CR1: variants seen among roughly 807,000 people sequenced by gnomAD.
CR1 encodes complement C3b/C4b receptor 1 (Knops blood group).
Under a neutral mutation model 187.3 loss-of-function variants are expected in CR1, and 116 were observed. The observed-to-expected ratio is 0.62, with a 90% CI of 0.53 to 0.72. The LOEUF (loss-of-function observed/expected upper bound fraction) is 0.72. Ranked by LOEUF, CR1 falls within the 30% of genes least tolerant of loss-of-function variation. The pLI is 0.00. For synonymous variants in CR1, 576 were observed against 747.1 expected, an observed-to-expected ratio of 0.77 and a Z score of 3.73; for missense variants, 1,731 against 2,110.7, an observed-to-expected ratio of 0.82 and a Z score of 3.52.
chr1:207,641,298 G>A lies in CR1; in HGVS notation c.*1889G>A, dbSNP rs192091717. On this transcript the variant is annotated 3_prime_UTR_variant, in exon 47 of 47. Coordinates refer to ENST00000367049, the MANE Select transcript of CR1 (RefSeq NM_000651.6). ...TGTTCTTTTTTTTTTCCAGAATGGA[G>A]TAGGTCAGTGAGCAATGTGATTAAT... The A allele has an allele frequency of 6.6e-6, 1 of 151,838 alleles. No individual in the cohort carries two copies. The highest frequency in any genetic ancestry group is 6.5e-5 in the Admixed American group (1 of 15,268). 9.4% of individuals were successfully genotyped at this position (151,838 alleles called of 1,614,324 possible). A position where few individuals can be genotyped will look rare whatever the true frequency, so the allele number is the denominator to read the frequency against.
intron 42 of CR1, among the ~76,000 whole-genome samples, chr1:207,619,393 AAG>A (rs1319874804): frequency 1.3e-5 from 2 of 151,146 alleles, no homozygotes; most frequent in African/African-American, 4.9e-5. Context: ...AAAAAAAAAA[AAG>A]AAAAAGAAAA....
intron 37 of CR1, 79 bp downstream of exon 37, chr1:207,609,767 T>G: frequency 1.4e-6 from 2 of 1,397,402 alleles, no homozygotes; most frequent in Non-Finnish European, 1.9e-6. Context: ...AAGGAAGAAG[T>G]GTATAAGGAC....
intron 37 of CR1, among the ~76,000 whole-genome samples, chr1:207,611,241 T>G (rs1006179478): frequency 5.3e-5 from 8 of 151,388 alleles, no homozygotes; most frequent in Non-Finnish European, 1.2e-4. Flanking sequence ...GGTCAGGGAG[T>G]GTGGAAAATG....
At chr1:207,621,396 C>A (rs1283229110) in intron 43 of CR1, among the ~76,000 whole-genome samples, 2 of 152,060 alleles carry the variant, frequency 1.3e-5, no homozygotes, top group Admixed American at 6.5e-5. Flanking sequence ...TGCAAAAACT[C>A]TTATGAAAAA....
intron 32 of CR1, among the ~76,000 whole-genome samples, chr1:207,582,225 T>C (rs1431453012): frequency 6.6e-6 from 1 of 152,224 alleles, no homozygotes; most frequent in East Asian, 1.9e-4. Context: ...GAGTCTGTGC[T>C]ATAAATAGAG....
intron 35 of CR1, among the ~76,000 whole-genome samples, chr1:207,593,059 A>G (rs1661320985): frequency 7.4e-6 from 1 of 135,068 alleles, no homozygotes; most frequent in South Asian, 2.5e-4. Context: ...CCATCAAATT[A>G]CCAATGGCTT....
At chr1:207,510,828 T>C (rs12080969) in intron 3 of CR1, among the ~76,000 whole-genome samples, 1 of 106,436 alleles carries the variant, frequency 9.4e-6, no homozygotes, top group Non-Finnish European at 1.8e-5. Flanking sequence ...TTTTACTTTC[T>C]TTTTTTTTTT....
intron 4 of CR1, among the ~76,000 whole-genome samples, chr1:207,512,430 A>T (rs1279544692): frequency 1.3e-5 from 2 of 152,216 alleles, no homozygotes; most frequent in African/African-American, 2.4e-5. Context: ...GTGGAAAAAG[A>T]ATCAGATGAA....
chr1:207,639,595 G>A lies in CR1; in HGVS notation c.*186G>A, dbSNP rs1662919350. ...TAGCAAAGCTCCTGCCTCTTTGTGT[G>A]CGTCACTGTGAAACCCCCACCCTTC... On this transcript the variant is annotated 3_prime_UTR_variant, in exon 47 of 47. Transcript: ENST00000367049. The A allele has an allele frequency of 3.4e-6, 2 of 580,130 alleles. No individual in the cohort carries two copies. The highest frequency in any genetic ancestry group is 3.7e-5 in the African/African-American group (2 of 53,630). The allele number at this position is 580,130 out of a possible 1,614,324, so 35.9% of individuals were successfully genotyped here.
chr1:207,635,213 A>G (rs1442873602), intron 46 of CR1, among the ~76,000 whole-genome samples: 1 of 152,148 alleles, frequency 6.6e-6, no homozygotes, highest in Non-Finnish European at 1.5e-5. Context: ...TAGAGAAAGA[A>G]AAAAGGGGGC....
At chr1:207,604,668 T>C (rs1403469597) in intron 35 of CR1, among the ~76,000 whole-genome samples, 1 of 152,246 alleles carries the variant, frequency 6.6e-6, no homozygotes, top group East Asian at 1.9e-4. Flanking sequence ...GTGTCTCTAT[T>C]CCTGCATCAT....
At chr1:207,603,877 A>C in intron 35 of CR1, among the ~76,000 whole-genome samples, 1 of 152,220 alleles carries the variant, frequency 6.6e-6, no homozygotes, top group Non-Finnish European at 1.5e-5. Flanking sequence ...TGAGGACTTC[A>C]CTAACTTCAA....
chr1:207,526,406 G>A (rs1480221086), intron 5 of CR1, among the ~76,000 whole-genome samples: 1 of 151,006 alleles, frequency 6.6e-6, no homozygotes, highest in African/African-American at 2.5e-5. Flanking sequence ...AAGGAAGTAT[G>A]AAGATACGAA....
In CR1 at chr1:207,617,483, GTA is replaced by G. The variant is rs767996719; in HGVS notation, c.6890-564_6890-563del. Among the ~76,000 whole-genome samples the G allele has an allele frequency of 8.7e-3, 364 of 41,752 alleles. 35 individuals are homozygous for G. Among genetic ancestry groups the G allele is most frequent in the South Asian group, 0.022 (29 of 1,316 alleles). 27.4% of individuals were successfully genotyped at this position (41,752 alleles called of 152,430 possible). ...GTGCATATGTACCCTAGAACTTAAAGTATATATATATATATATATATATATGT... is the reference window on the plus strand; with the variant it reads ...GTGCATATGTACCCTAGAACTTAAAGTATATATATATATATATATATATGT... On this transcript the variant is annotated intron_variant, in intron 41 of 46. Coordinates refer to ENST00000367049, the MANE Select transcript of CR1 (RefSeq NM_000651.6).
At chr1:207,502,030 G>T (rs1379130470) in intron 1 of CR1, among the ~76,000 whole-genome samples, 1 of 151,876 alleles carries the variant, frequency 6.6e-6, no homozygotes, top group Non-Finnish European at 1.5e-5. Context: ...TCAGAGATTT[G>T]GGGGACATAG....
intron 32 of CR1, 72 bp from the exon 33 acceptor site, chr1:207,584,577 A>G: frequency 6.6e-7 from 1 of 1,523,552 alleles, no homozygotes; most frequent in East Asian, 2.3e-5. Context: ...TCACAGTATG[A>G]CAACTGTAGA....
At chr1:207,624,712 CA>C (rs1305483620) in intron 45 of CR1, among the ~76,000 whole-genome samples, 1 of 151,862 alleles carries the variant, frequency 6.6e-6, no homozygotes, top group East Asian at 1.9e-4. Context: ...TTTTCCATTA[CA>C]AAAAGAAAAG....
At chr1:207,633,004 G>C (rs1052432287) in intron 46 of CR1, among the ~76,000 whole-genome samples, 1 of 152,088 alleles carries the variant, frequency 6.6e-6, no homozygotes, top group Non-Finnish European at 1.5e-5. Flanking sequence ...AATAACAGCA[G>C]ACTGGAAGAA....
chr1:207,620,331 G>A (rs566339855), intron 43 of CR1, among the ~76,000 whole-genome samples: 2 of 152,284 alleles, frequency 1.3e-5, no homozygotes, highest in African/African-American at 4.8e-5. Context: ...TTTATTTACA[G>A]CCTACGAGCC....
Sources: allele counts gnomAD v4.1 joint callset (sites outside exome capture counted in the v4.1 genomes callset), GRCh38; gene constraint gnomAD v4.1.1; transcripts MANE v1.5; gene names NCBI Gene and HGNC (gene_info 2026-07-23, HGNC 2026-07-21).